The following RBFOX1 variants were observed in gnomAD, a reference collection of about 807,000 sequenced individuals.
The protein encoded by RBFOX1 is RNA binding protein fox-1 homolog 1.
A neutral mutation model predicts 57.7 loss-of-function variants in RBFOX1; 8 were observed. That is an observed-to-expected ratio of 0.14 (90% CI 0.08 to 0.25). The LOEUF is 0.25. RBFOX1 is among the 10% of genes least tolerant of loss of function. RBFOX1 has a pLI of 1.00. For missense variants in RBFOX1, 611 were observed against 548.5 expected (o/e 1.11, Z -1.14); for synonymous variants, 326 against 222.4 (o/e 1.47, Z -4.15).
At chr16:5,948,109 A>G (rs1274578271) in intron 4 of RBFOX1, among the ~76,000 whole-genome samples, 1 of 152,088 alleles carries the variant, frequency 6.6e-6, no homozygotes, top group Non-Finnish European at 1.5e-5. Flanking sequence ...TTTGCAAGAA[A>G]GGAAGTGCAG....
rs116646323 is a variant in RBFOX1, at chr16:6,307,009, C to T, written c.-126-9986C>T. Among the ~76,000 whole-genome samples, 431 of 152,264 alleles carry T rather than the reference C, an allele frequency of 2.8e-3. 4 individuals are homozygous for T. The highest frequency in any genetic ancestry group is 9.9e-3 in the African/African-American group (412 of 41,550). ...GCACCACCCAAAAAGTCAAACTAGA[C>T]AACATCTCTATTTTTAAAAAAGGAG... On this transcript the variant is annotated intron_variant, in intron 1 of 15. Coordinates refer to ENST00000550418, the MANE Select transcript of RBFOX1 (RefSeq NM_018723.4).
At position 6,999,861 on chromosome 16, in the gene RBFOX1, C is replaced by T. The variant is rs532515731; in HGVS notation, c.-15-52196C>T. On this transcript the variant is annotated intron_variant, in intron 3 of 15. Coordinates refer to ENST00000550418, the MANE Select transcript of RBFOX1 (RefSeq NM_018723.4). ...CTGAGGTGAGCGGATCACTTGAGGT[C>T]AGGAGTTTGAGAGCAGCCTGAGCAA... Among the ~76,000 whole-genome samples the T allele has an allele frequency of 2.8e-3, 429 of 152,042 alleles. 4 individuals are homozygous for T. The highest frequency in any genetic ancestry group is 9.8e-3 in the African/African-American group (405 of 41,498).
chr16:6,312,418 C>T (rs1026399752), intron 1 of RBFOX1, among the ~76,000 whole-genome samples: 1 of 152,126 alleles, frequency 6.6e-6, no homozygotes, highest in African/African-American at 2.4e-5. Flanking sequence ...AGAGTGACCC[C>T]ACAGTTACTG....
intron 3 of RBFOX1, among the ~76,000 whole-genome samples, chr16:6,809,800 C>T (rs994453561): frequency 5.9e-5 from 9 of 152,156 alleles, no homozygotes; most frequent in Non-Finnish European, 8.8e-5. Context: ...CTTCAGCTGC[C>T]AAAAATCTTA....
chr16:7,572,655 C>T (rs1354990979), intron 5 of RBFOX1, among the ~76,000 whole-genome samples: 10 of 151,958 alleles, frequency 6.6e-5, no homozygotes, highest in South Asian at 2.1e-4. Context: ...CTGGCTAACG[C>T]GGTGAAACCC....
At chr16:6,845,011 G>GCCCACT (rs1319567058) in intron 3 of RBFOX1, among the ~76,000 whole-genome samples, 10 of 152,054 alleles carry the variant, frequency 6.6e-5, no homozygotes, top group Non-Finnish European at 1.2e-4. Context: ...TATGTCCTTT[G>GCCCACT]CCCACTTTTT....
intron 1 of RBFOX1, among the ~76,000 whole-genome samples, chr16:5,260,300 C>A (rs1283248267): frequency 2.0e-5 from 3 of 152,058 alleles, no homozygotes; most frequent in Non-Finnish European, 2.9e-5. Context: ...AGAGAAATCA[C>A]CCCAAATCTC....
intron 1 of RBFOX1, among the ~76,000 whole-genome samples, chr16:6,153,832 G>T (rs145482677): frequency 1.3e-5 from 2 of 152,080 alleles, no homozygotes. Flanking sequence ...CACCATGCCC[G>T]GCCCATTATA....
intron 3 of RBFOX1, among the ~76,000 whole-genome samples, chr16:6,942,404 C>G (rs536130262): frequency 1.9e-4 from 29 of 152,280 alleles, no homozygotes; most frequent in Non-Finnish European, 3.7e-4. Flanking sequence ...AAACCACCCT[C>G]TCCGTCAGCC....
At chr16:5,243,261 T>C (rs544005070) in intron 1 of RBFOX1, among the ~76,000 whole-genome samples, 3 of 152,188 alleles carry the variant, frequency 2.0e-5, no homozygotes, top group Non-Finnish European at 4.4e-5. Context: ...CAGAGATTTC[T>C]GTGTTGTCAG....
At chr16:5,729,295 T>C (rs987123077) in intron 3 of RBFOX1, among the ~76,000 whole-genome samples, 9 of 152,060 alleles carry the variant, frequency 5.9e-5, no homozygotes, top group Non-Finnish European at 1.0e-4. Flanking sequence ...AAGCAAAATA[T>C]GTGAGCAAGT....
intron 2 of RBFOX1, among the ~76,000 whole-genome samples, chr16:6,360,852 C>T (rs2088346391): frequency 6.6e-6 from 1 of 152,156 alleles, no homozygotes; most frequent in Non-Finnish European, 1.5e-5. Flanking sequence ...TACAGTTGTT[C>T]AGTGTGTAGT....
intron 1 of RBFOX1, among the ~76,000 whole-genome samples, chr16:5,245,353 G>A (rs2062271170): frequency 6.6e-6 from 1 of 152,160 alleles, no homozygotes; most frequent in South Asian, 2.1e-4. Flanking sequence ...GGGACCCAGG[G>A]GGCAATGTGT....
intron 3 of RBFOX1, among the ~76,000 whole-genome samples, chr16:5,752,278 C>G (rs990187972): frequency 6.6e-6 from 1 of 151,974 alleles, no homozygotes; most frequent in Non-Finnish European, 1.5e-5. Flanking sequence ...TTAGAGGTCA[C>G]GGATTGGAGG....
intron 3 of RBFOX1, among the ~76,000 whole-genome samples, chr16:6,830,627 A>C (rs2092638368): frequency 6.6e-6 from 1 of 152,200 alleles, no homozygotes; most frequent in African/African-American, 2.4e-5. Context: ...TCTGCTAAAC[A>C]TACCACAGTA....
intron 4 of RBFOX1, among the ~76,000 whole-genome samples, chr16:7,187,482 G>C (rs960705219): frequency 6.6e-6 from 1 of 151,436 alleles, no homozygotes; most frequent in East Asian, 2.0e-4. Flanking sequence ...GAGATCAGGA[G>C]ATCGAGACCA....
At chr16:5,843,542 A>G (rs2056679118) in intron 3 of RBFOX1, among the ~76,000 whole-genome samples, 1 of 151,788 alleles carries the variant, frequency 6.6e-6, no homozygotes, top group Admixed American at 6.6e-5. Context: ...TTCTTTGTCT[A>G]CTCTGCCATT....
chr16:7,003,232 G>C (rs191904878), intron 3 of RBFOX1, among the ~76,000 whole-genome samples: 1 of 152,126 alleles, frequency 6.6e-6, no homozygotes, highest in African/African-American at 2.4e-5. Context: ...AGGCCGAGGT[G>C]GGTGGATCAC....
intron 3 of RBFOX1, among the ~76,000 whole-genome samples, chr16:5,738,490 TG>T (rs1438033171): frequency 6.6e-6 from 1 of 151,676 alleles, no homozygotes; most frequent in Admixed American, 6.6e-5. Flanking sequence ...AAAAATTAGC[TG>T]GTCGTGGTGG....
Sources: gnomAD v4.1 joint callset for allele counts (sites outside exome capture counted in the v4.1 genomes callset) on GRCh38, gnomAD v4.1.1 for gene constraint, MANE v1.5 for transcripts, NCBI Gene and HGNC (gene_info 2026-07-23, HGNC 2026-07-21) for gene names.